MAST4: variants seen among roughly 807,000 people sequenced by gnomAD.
MAST4 encodes microtubule-associated serine/threonine-protein kinase 4.
A neutral mutation model predicts 162.7 loss-of-function variants in MAST4; 89 were observed. The ratio of observed to expected loss-of-function variants is 0.55; its 90% CI spans 0.46 to 0.65. The LOEUF is 0.65. Ranked by LOEUF, MAST4 falls within the 30% of genes least tolerant of loss-of-function variation. The pLI, the probability that MAST4 is intolerant of heterozygous loss-of-function variation, is 0.00. For missense variants in MAST4, 3,153 were observed against 3,374.0 expected (o/e 0.93, Z 1.62); for synonymous variants, 1,479 against 1,361.1 (o/e 1.09, Z -1.91).
chr5:66,925,436 A>G (rs1216985112), intron 4 of MAST4, among the ~76,000 whole-genome samples: 1 of 152,248 alleles, frequency 6.6e-6, no homozygotes, highest in Non-Finnish European at 1.5e-5. Context: ...TAAACAACAC[A>G]TTTAATAGGT....
intron 1 of MAST4, among the ~76,000 whole-genome samples, chr5:66,615,878 C>T (rs1159779290): frequency 6.6e-6 from 1 of 152,152 alleles, no homozygotes; most frequent in Non-Finnish European, 1.5e-5. Flanking sequence ...CATGTTTTTC[C>T]TTCTATCCCT....
intron 3 of MAST4, among the ~76,000 whole-genome samples, chr5:66,822,756 C>T (rs1421803864): frequency 1.3e-5 from 2 of 152,168 alleles, no homozygotes; most frequent in Admixed American, 6.5e-5. Flanking sequence ...ATGATATGCT[C>T]ATTTTTCCTT....
intron 18 of MAST4, among the ~76,000 whole-genome samples, chr5:67,134,921 T>C (rs2151007157): frequency 6.6e-6 from 1 of 152,314 alleles, no homozygotes. Context: ...GGAAATGTAC[T>C]AGCAACAAAA....
chr5:67,139,848 A>G (rs1007663520), intron 19 of MAST4, among the ~76,000 whole-genome samples: 2 of 152,174 alleles, frequency 1.3e-5, no homozygotes, highest in African/African-American at 4.8e-5. Flanking sequence ...TGCCTGAGAA[A>G]CTGGACCCAC....
At chr5:66,759,370 C>T (rs1302551578) in intron 1 of MAST4, among the ~76,000 whole-genome samples, 1 of 152,142 alleles carries the variant, frequency 6.6e-6, no homozygotes, top group South Asian at 2.1e-4. Flanking sequence ...ATGAAACAAT[C>T]CTTTCCCTTT....
rs561747565 is a variant in MAST4 at position 67,160,324 on chromosome 5, G to T, written c.3649-132G>T. 76 of 921,888 alleles carry T rather than the reference G, an allele frequency of 8.2e-5. 1 individual carries two copies. In the South Asian group the frequency reaches 2.0e-3, roughly 24 times the overall value. 57.1% of individuals were successfully genotyped at this position (921,888 alleles called of 1,614,324 possible). A position where few individuals can be genotyped will look rare whatever the true frequency, so the allele number is the denominator to read the frequency against. On this transcript the variant is annotated intron_variant, in intron 26 of 28. Coordinates refer to ENST00000403625, the MANE Select transcript of MAST4 (RefSeq NM_001164664.2). ...CTGGCAGGACTTCTTTGATTGAAGG[G>T]TTATTTAGAAACAGAAGGCCTTTTA...
chr5:66,717,101 C>G (rs1750891260), intron 1 of MAST4, among the ~76,000 whole-genome samples: 1 of 152,124 alleles, frequency 6.6e-6, no homozygotes, highest in Admixed American at 6.5e-5. Context: ...AGGAGCGTTT[C>G]CTAGAGGAGC....
chr5:67,006,797 G>C (rs1426597883), intron 4 of MAST4, among the ~76,000 whole-genome samples: 1 of 152,164 alleles, frequency 6.6e-6, no homozygotes, highest in Admixed American at 6.5e-5. Context: ...AGCTCACACT[G>C]ACAGAGAGCC....
intron 1 of MAST4, among the ~76,000 whole-genome samples, chr5:66,717,676 T>C (rs868850691): frequency 2.0e-5 from 3 of 152,366 alleles, no homozygotes; most frequent in East Asian, 1.9e-4. Context: ...TTAATAGATC[T>C]CCATGTTAGG....
intron 1 of MAST4, among the ~76,000 whole-genome samples, chr5:66,635,926 C>T (rs1481505477): frequency 7.5e-6 from 1 of 133,592 alleles, no homozygotes; most frequent in East Asian, 2.5e-4. Flanking sequence ...GGTTAAAAAT[C>T]ACTGCATAAG....
intron 1 of MAST4, among the ~76,000 whole-genome samples, chr5:66,722,399 G>T (rs893470418): frequency 6.6e-6 from 1 of 150,792 alleles, no homozygotes; most frequent in Non-Finnish European, 1.5e-5. Context: ...GCGGCTTAGA[G>T]TGACCACCTG....
At chr5:67,127,105 G>A (rs1048476065) in intron 14 of MAST4, among the ~76,000 whole-genome samples, 7 of 152,206 alleles carry the variant, frequency 4.6e-5, no homozygotes, top group Non-Finnish European at 1.0e-4. Flanking sequence ...CTTTGCTGAA[G>A]TTGCTTATCA....
chr5:66,633,869 T>C (rs907279519), intron 1 of MAST4, among the ~76,000 whole-genome samples: 1 of 152,038 alleles, frequency 6.6e-6, no homozygotes, highest in African/African-American at 2.4e-5. Context: ...TTCTGAATGG[T>C]GTTTTGGTGC....
intron 2 of MAST4, among the ~76,000 whole-genome samples, chr5:66,773,946 G>A (rs1458395284): frequency 1.3e-5 from 2 of 152,230 alleles, no homozygotes; most frequent in Admixed American, 6.5e-5. Context: ...AGGTTGTGCA[G>A]CTCCCAGCTT....
At chr5:66,955,376 G>A (rs1359004151) in intron 4 of MAST4, among the ~76,000 whole-genome samples, 1 of 152,072 alleles carries the variant, frequency 6.6e-6, no homozygotes, top group African/African-American at 2.4e-5. Flanking sequence ...GCAGGAGTGT[G>A]CTTGGTATAT....
chr5:67,151,071 G>A (rs1771745114), intron 24 of MAST4, among the ~76,000 whole-genome samples: 1 of 152,174 alleles, frequency 6.6e-6, no homozygotes, highest in Non-Finnish European at 1.5e-5. Flanking sequence ...AGCATGTTTT[G>A]TAGATTATTC....
intron 4 of MAST4, among the ~76,000 whole-genome samples, chr5:66,918,335 T>C (rs1764253352): frequency 6.6e-6 from 1 of 152,196 alleles, no homozygotes; most frequent in Admixed American, 6.5e-5. Flanking sequence ...ATAACTGAAG[T>C]GCACAATACA....
chr5:67,125,473 A>C (rs935556472), intron 14 of MAST4, among the ~76,000 whole-genome samples: 1 of 151,936 alleles, frequency 6.6e-6, no homozygotes, highest in East Asian at 1.9e-4. Context: ...TCATTGTTCA[A>C]CTTCTACTTA....
intron 4 of MAST4, among the ~76,000 whole-genome samples, chr5:67,007,818 G>C (rs1280634974): frequency 6.6e-6 from 1 of 152,132 alleles, no homozygotes; most frequent in African/African-American, 2.4e-5. Context: ...GAAAAATATT[G>C]AAGGTTTTTC....
Sources: allele counts gnomAD v4.1 joint callset (sites outside exome capture counted in the v4.1 genomes callset), GRCh38; gene constraint gnomAD v4.1.1; transcripts MANE v1.5; gene names NCBI Gene and HGNC (gene_info 2026-07-23, HGNC 2026-07-21).